NEGR1: variants seen among roughly 807,000 people sequenced by gnomAD.
NEGR1 encodes the protein IgLON family member 4.
NEGR1 carries 10 observed loss-of-function variants against 40.9 expected under a neutral mutation model. The observed-to-expected ratio is 0.24, with a 90% CI of 0.15 to 0.42. The LOEUF (loss-of-function observed/expected upper bound fraction) is 0.42, where lower values mean the gene tolerates loss of function less well. Ranked by LOEUF, NEGR1 falls within the 10% of genes least tolerant of loss-of-function variation. NEGR1 has a pLI of 1.00. For synonymous variants in NEGR1, 185 were observed against 166.8 expected (o/e 1.11, Z -0.84); for missense variants, 352 against 438.9 (o/e 0.80, Z 1.77).
At chr1:72,170,452 T>G (rs1483261583) in intron 1 of NEGR1, among the ~76,000 whole-genome samples, 1 of 152,186 alleles carries the variant, frequency 6.6e-6, no homozygotes, top group Non-Finnish European at 1.5e-5. Flanking sequence ...TTGTATTGTC[T>G]GCAGTAATAC....
At chr1:71,923,197 C>A (rs561974579) in intron 2 of NEGR1, among the ~76,000 whole-genome samples, 9 of 152,172 alleles carry the variant, frequency 5.9e-5, no homozygotes, top group Admixed American at 5.9e-4. Context: ...TTTCACAACC[C>A]GCCATGCATT....
At chr1:71,698,286 G>A (rs1653554433) in intron 3 of NEGR1, 147 bp from the exon 4 acceptor site, 2 of 717,910 alleles carry the variant, frequency 2.8e-6, no homozygotes, top group Non-Finnish European at 4.5e-6. Flanking sequence ...GTTCTTCTAT[G>A]TTCAGAGGAA....
chr1:71,999,134 G>A (rs1406042477), intron 1 of NEGR1, among the ~76,000 whole-genome samples: 1 of 151,904 alleles, frequency 6.6e-6, no homozygotes, highest in African/African-American at 2.4e-5. Flanking sequence ...TTTCTGAAAT[G>A]TACTTTCTGA....
chr1:72,152,802 T>A (rs1651174182), intron 1 of NEGR1, among the ~76,000 whole-genome samples: 1 of 151,828 alleles, frequency 6.6e-6, no homozygotes, highest in Non-Finnish European at 1.5e-5. Context: ...AATATTTTCA[T>A]AAAAAAAGAA....
intron 1 of NEGR1, among the ~76,000 whole-genome samples, chr1:72,136,021 A>G (rs907930903): frequency 1.3e-5 from 2 of 152,214 alleles, no homozygotes; most frequent in African/African-American, 4.8e-5. Context: ...CCAAGTAACT[A>G]AAGTACTTCT....
intron 2 of NEGR1, among the ~76,000 whole-genome samples, chr1:71,822,713 T>C (rs920744580): frequency 2.6e-5 from 4 of 151,970 alleles, no homozygotes; most frequent in Non-Finnish European, 5.9e-5. Context: ...AGCTTTGTGT[T>C]TCCTGCCATT....
intron 6 of NEGR1, chr1:71,461,564 G>A (rs1458638712): frequency 1.3e-5 from 2 of 152,134 alleles, no homozygotes; most frequent in Admixed American, 6.6e-5. Flanking sequence ...CCCACAGAAG[G>A]CTGAACAAAT....
chr1:71,539,381 A>C (rs1359266908), intron 6 of NEGR1, among the ~76,000 whole-genome samples: 2 of 151,780 alleles, frequency 1.3e-5, no homozygotes. Flanking sequence ...TTGCCAAAAA[A>C]TATTTCTGAA....
chr1:71,618,985 T>C (rs1455206724), intron 4 of NEGR1, among the ~76,000 whole-genome samples: 2 of 152,262 alleles, frequency 1.3e-5, no homozygotes, highest in Admixed American at 1.3e-4. Flanking sequence ...TAAGGTGAAC[T>C]GTCATTACTG....
At position 71,592,946 on chromosome 1, in the gene NEGR1, T is replaced by C; in HGVS notation, c.811A>G (p.Ile271Val). 1 of 1,611,546 alleles carries C rather than the reference T, an allele frequency of 6.2e-7. No individual in the cohort carries two copies. The highest frequency in any genetic ancestry group is 8.5e-7 in the Non-Finnish European group (1 of 1,177,822). The change falls in exon 6 of 7, where the codon ATT becomes GTT. Residue 271 changes from isoleucine (I) to valine (V), a missense_variant. Physicochemically the swap from Ile to Val is conservative, Grantham distance 29. This residue lies in a region of NEGR1 where 184 missense variants were observed against 208.7 expected (regional missense o/e 0.88). Coordinates refer to ENST00000357731, the MANE Select transcript of NEGR1 (RefSeq NM_173808.3). ...EKKLFNGQQG[I>V]IIQNFSTRSI... ...CTTGTGCTAAAATTTTGAATAATAA[T>C]TCCTTGTTGGCCATTGAAGAGCCTA...
At chr1:71,504,367 A>AAAAAAGACTT (rs141123156) in intron 6 of NEGR1, among the ~76,000 whole-genome samples, 2,737 of 152,196 alleles carry the variant, frequency 0.018, 84 homozygotes, top group African/African-American at 0.063. Context: ...AGGTAGTCCA[A>AAAAAAGACTT]AAAAAGACTA....
At chr1:71,976,721 T>G (rs1476935448) in intron 1 of NEGR1, among the ~76,000 whole-genome samples, 1 of 152,230 alleles carries the variant, frequency 6.6e-6, no homozygotes, top group Non-Finnish European at 1.5e-5. Flanking sequence ...CTTTTGTCTT[T>G]GCACTAAGGT....
At chr1:72,271,858 T>C (rs565752803) in intron 1 of NEGR1, among the ~76,000 whole-genome samples, 1 of 151,974 alleles carries the variant, frequency 6.6e-6, no homozygotes, top group Non-Finnish European at 1.5e-5. Flanking sequence ...TCACAACATC[T>C]GACGGGTTTA....
chr1:71,666,703 G>C (rs1162472073), intron 4 of NEGR1, among the ~76,000 whole-genome samples: 1 of 152,144 alleles, frequency 6.6e-6, no homozygotes, highest in African/African-American at 2.4e-5. Context: ...TTATGGCAAA[G>C]TATAGATCTT....
intron 6 of NEGR1, chr1:71,570,812 T>G (rs532426788): frequency 6.6e-6 from 1 of 152,124 alleles, no homozygotes; most frequent in Non-Finnish European, 1.5e-5. Flanking sequence ...TTAATCAAAT[T>G]GAAAAAATGG....
chr1:71,569,362 G>A (rs1209222971), intron 6 of NEGR1, among the ~76,000 whole-genome samples: 1 of 152,170 alleles, frequency 6.6e-6, no homozygotes, highest in Non-Finnish European at 1.5e-5. Context: ...GTGGTAGAAG[G>A]AGGGGTTGAA....
chr1:71,777,544 C>T (rs1656554930), intron 2 of NEGR1, among the ~76,000 whole-genome samples: 1 of 151,960 alleles, frequency 6.6e-6, no homozygotes, highest in African/African-American at 2.4e-5. Flanking sequence ...TATTACAGCA[C>T]AAATATAAAT....
At chr1:71,665,197 T>C (rs1389505102) in intron 4 of NEGR1, among the ~76,000 whole-genome samples, 1 of 152,238 alleles carries the variant, frequency 6.6e-6, no homozygotes, top group Non-Finnish European at 1.5e-5. Context: ...ATAATAAAGC[T>C]AATTTTTCTA....
chr1:71,849,349 G>C (rs1377171343), intron 2 of NEGR1, among the ~76,000 whole-genome samples: 2 of 152,154 alleles, frequency 1.3e-5, no homozygotes, highest in Non-Finnish European at 2.9e-5. Flanking sequence ...TGCAGATGTG[G>C]TGCAAATTGT....
Sources: gnomAD v4.1 joint callset for allele counts (sites outside exome capture counted in the v4.1 genomes callset) on GRCh38, gnomAD v4.1.1 for gene constraint, gnomAD v4.1.1 regional missense constraint, MANE v1.5 for transcripts, NCBI Gene and HGNC (gene_info 2026-07-23, HGNC 2026-07-21) for gene names.